The following TUBGCP3 variants were observed in gnomAD, a reference collection of about 807,000 sequenced individuals.
TUBGCP3 encodes tubulin gamma complex component 3, also known as gamma-tubulin complex component 3.
Under a neutral mutation model 123.1 loss-of-function variants are expected in TUBGCP3, and 50 were observed. The observed-to-expected ratio is 0.41, with a 90% CI of 0.32 to 0.51. The LOEUF is 0.51. Among genes scored for constraint, TUBGCP3 ranks in the 20% least tolerant of loss-of-function variants. TUBGCP3 has a pLI of 0.36. For missense variants in TUBGCP3, 882 were observed against 1,127.0 expected, an observed-to-expected ratio of 0.78 and a Z score of 3.11; for synonymous variants, 405 against 413.9, an observed-to-expected ratio of 0.98 and a Z score of 0.26.
chr13:112,562,960 C>T (rs77316961), intron 3 of TUBGCP3, among the ~76,000 whole-genome samples: 3,781 of 152,262 alleles, frequency 0.025, 74 homozygotes, highest in Middle Eastern at 0.054. Context: ...CCTACCATGC[C>T]GCCACAGCAC....
intron 20 of TUBGCP3, 142 bp from the exon 21 acceptor site, chr13:112,489,839 TTC>T (rs1879956451): frequency 1.6e-6 from 1 of 634,254 alleles, no homozygotes; most frequent in African/African-American, 1.8e-5. Context: ...CACAATAATT[TTC>T]TGATGCCAGA....
At chr13:112,578,558 C>CAAAAAAAAAAAAAAAAA (rs71131496) in intron 1 of TUBGCP3, among the ~76,000 whole-genome samples, 2 of 24,914 alleles carry the variant, frequency 8.0e-5, no homozygotes, top group African/African-American at 1.5e-4. Context: ...GACTCCGTCT[C>CAAAAAAAAAAAAAAAAA]AAAAAAAAAA....
the TUBGCP3 span, among the ~76,000 whole-genome samples, chr13:112,600,793 C>T: frequency 6.6e-6 from 1 of 152,164 alleles, no homozygotes; most frequent in Non-Finnish European, 1.5e-5. Flanking sequence ...CTATATTCTC[C>T]TGTCTTATAA....
At chr13:112,537,978 G>A (rs1187790243) in intron 11 of TUBGCP3, among the ~76,000 whole-genome samples, 2 of 152,136 alleles carry the variant, frequency 1.3e-5, no homozygotes, top group Non-Finnish European at 2.9e-5. Context: ...GAATCATCAT[G>A]GTTTTGCTTT....
chr13:112,533,149 G>C (rs1436214155), intron 11 of TUBGCP3, among the ~76,000 whole-genome samples: 1 of 152,226 alleles, frequency 6.6e-6, no homozygotes, highest in African/African-American at 2.4e-5. Context: ...CATCAACAGA[G>C]AGACCGAGAG....
intron 8 of TUBGCP3, among the ~76,000 whole-genome samples, chr13:112,551,384 C>T (rs1309544521): frequency 6.6e-6 from 1 of 152,206 alleles, no homozygotes; most frequent in Non-Finnish European, 1.5e-5. Flanking sequence ...TTTGGTATGT[C>T]TAGAGCCAGG....
At chr13:112,592,182 G>A (rs892103656), upstream of TUBGCP3, among the ~76,000 whole-genome samples, 1 of 152,234 alleles carries the variant, frequency 6.6e-6, no homozygotes, top group African/African-American at 2.4e-5. This position sits in a 1 kb window ranked among gnomAD's most constrained non-coding sequence, Gnocchi z 4.1. Flanking sequence ...GGATGGAATA[G>A]TTCACAACCG....
Position 112,556,224 on chromosome 13 carries a change from T to C in TUBGCP3, c.549A>G (p.Gly183=). The C allele has an allele frequency of 6.2e-7, 1 of 1,610,356 alleles. No individual in the cohort carries two copies. Among genetic ancestry groups the C allele is most frequent in the South Asian group, 1.1e-5 (1 of 90,916 alleles). The change falls in exon 6 of 22, where the codon GGA becomes GGG. Residue 183 remains glycine, a splice_region_variant and synonymous_variant. Transcript: ENST00000261965. ...PAPAPQSLLP[G]QSNQAPGVGD... ...CTACTCCTGGAGCTTGATTAGACTG[T>C]CTAAAAAAAGAAACATGTATTATCT...
intron 20 of TUBGCP3, 194 bp downstream of exon 20, chr13:112,498,851 G>A: frequency 3.1e-6 from 5 of 1,601,876 alleles, no homozygotes; most frequent in Non-Finnish European, 4.3e-6. Flanking sequence ...GAAACAGGAT[G>A]ATGATGCCAG....
In TUBGCP3 at chr13:112,520,189, A is replaced by G. The variant is rs1354173333; in HGVS notation, c.1746-168T>C. 2.6e-5 allele frequency among the ~76,000 whole-genome samples: 4 copies of G among 152,252 alleles called. No homozygotes were observed. The South Asian group carries it at 8.3e-4, about 32-fold the overall frequency. On this transcript the variant is annotated intron_variant, in intron 14 of 21. Coordinates refer to ENST00000261965, the MANE Select transcript of TUBGCP3 (RefSeq NM_006322.6). ...AAGCTTCAGAGCATTAACTGCAAAC[A>G]GGGCTTACTAATTATTGTGGAGTTA... is the stretch of plus-strand genomic sequence containing the variant.
At chr13:112,536,326 G>A (rs894891805) in intron 11 of TUBGCP3, among the ~76,000 whole-genome samples, 1 of 152,190 alleles carries the variant, frequency 6.6e-6, no homozygotes, top group African/African-American at 2.4e-5. Flanking sequence ...GGCTCGTGTT[G>A]GGGGAGTACT....
chr13:112,527,302 T>G (rs1327735043), intron 12 of TUBGCP3, 72 bp downstream of exon 12: 1 of 1,141,282 alleles, frequency 8.8e-7, no homozygotes, highest in Non-Finnish European at 1.3e-6. Flanking sequence ...AACTGAAAAT[T>G]GGTTTTGTCA....
intron 3 of TUBGCP3, among the ~76,000 whole-genome samples, chr13:112,562,889 G>C (rs112667920): frequency 3.2e-3 from 488 of 152,292 alleles, no homozygotes; most frequent in Non-Finnish European, 4.9e-3. Flanking sequence ...CCCAGCACAA[G>C]AGCTGATCTC....
chr13:112,574,367 C>T (rs1881648815), intron 1 of TUBGCP3, among the ~76,000 whole-genome samples: 1 of 147,680 alleles, frequency 6.8e-6, no homozygotes, highest in African/African-American at 2.5e-5. Context: ...CAAGTGGGCA[C>T]TCTGAGCTCA....
Position 112,488,219 on chromosome 13 carries a change from T to G in TUBGCP3, c.2565+1362A>C, listed in dbSNP as rs545992010. The stretch of plus-strand genomic sequence containing the variant: ...GCGAGTGCGGTCTCACTTTCAATTT[T>G]GAACCACATGAAGGCACCAGCACAC... On this transcript the variant is annotated intron_variant, in intron 21 of 21. Coordinates refer to ENST00000261965, the MANE Select transcript of TUBGCP3 (RefSeq NM_006322.6). 2.6e-5 allele frequency among the ~76,000 whole-genome samples: 4 copies of G among 151,658 alleles called. No homozygotes were observed. The South Asian group carries it at 8.4e-4, about 32-fold the overall frequency.
chr13:112,595,661 A>G, the TUBGCP3 span, among the ~76,000 whole-genome samples: 56 of 152,002 alleles, frequency 3.7e-4, no homozygotes, highest in South Asian at 0.01. Context: ...CATGGTATAT[A>G]TATTTTTCTA....
the TUBGCP3 span, among the ~76,000 whole-genome samples, chr13:112,594,996 G>A: frequency 6.6e-6 from 1 of 151,980 alleles, no homozygotes; most frequent in Non-Finnish European, 1.5e-5. Context: ...ATGTTTTGTG[G>A]GCACCTGAAA....
intron 8 of TUBGCP3, among the ~76,000 whole-genome samples, chr13:112,552,053 C>T (rs1474524828): frequency 1.3e-5 from 2 of 152,160 alleles, no homozygotes; most frequent in Admixed American, 6.5e-5. Context: ...AGAGCTCAGG[C>T]GGTCATGCCT....
At chr13:112,562,945 C>T (rs1880636580) in intron 3 of TUBGCP3, among the ~76,000 whole-genome samples, 1 of 152,228 alleles carries the variant, frequency 6.6e-6, no homozygotes, top group African/African-American at 2.4e-5. Flanking sequence ...ATCAACAGGG[C>T]ACCACCTACC....
Sources: allele counts gnomAD v4.1 joint callset (sites outside exome capture counted in the v4.1 genomes callset), GRCh38; gene constraint gnomAD v4.1.1; non-coding constraint Gnocchi (gnomAD v3.1); transcripts MANE v1.5; gene names NCBI Gene and HGNC (gene_info 2026-07-23, HGNC 2026-07-21).